IQCK: variants seen among roughly 807,000 people sequenced by gnomAD.
IQCK encodes IQ domain-containing protein K.
IQCK carries 29 observed loss-of-function variants against 28.1 expected under a neutral mutation model. That is an observed-to-expected ratio of 1.03 (90% CI 0.77 to 1.41). The LOEUF is 1.41. Ranked by LOEUF, IQCK falls within the 40% of genes most tolerant of loss-of-function variation. The pLI, the probability that IQCK is intolerant of heterozygous loss-of-function variation, is 0.00. For missense variants in IQCK, 359 were observed against 314.7 expected (o/e 1.14, Z -1.07); for synonymous variants, 113 against 115.1 (o/e 0.98, Z 0.12).
chr16:19,745,006 A>G (rs902044397), intron 4 of IQCK, among the ~76,000 whole-genome samples: 2 of 152,260 alleles, frequency 1.3e-5, no homozygotes, highest in African/African-American at 4.8e-5. Context: ...CAATAAGTGA[A>G]GAATCACATG....
In IQCK at chr16:19,736,403, C is replaced by T. The variant is rs563923845; in HGVS notation, c.474+953C>T. Among the ~76,000 whole-genome samples, 95 of 152,004 alleles carry T rather than the reference C, an allele frequency of 6.2e-4. 1 individual carries two copies. The highest frequency in any genetic ancestry group is 2.1e-3 in the African/African-American group (87 of 41,450). On this transcript the variant is annotated intron_variant, in intron 4 of 7. Coordinates refer to ENST00000564186, the Ensembl canonical transcript of IQCK. ...TCAGCTTCCTGAGCAGCTGGGACTA[C>T]GGGTATGCACCACCACGCCTGACTG...
chr16:19,723,901 A>G (rs1977573164), intron 1 of IQCK, among the ~76,000 whole-genome samples: 1 of 151,588 alleles, frequency 6.6e-6, no homozygotes, highest in Non-Finnish European at 1.5e-5. Flanking sequence ...AGGAGGTTGC[A>G]CTGAGCCGAG....
At chr16:19,828,800 G>A (rs1233068289), downstream of IQCK, among the ~76,000 whole-genome samples, 1 of 147,112 alleles carries the variant, frequency 6.8e-6, no homozygotes, top group Non-Finnish European at 1.5e-5. Context: ...GCAGTGAGCC[G>A]AGATCGTGCT....
intron 9 of IQCK, among the ~76,000 whole-genome samples, chr16:19,844,796 G>T (rs1366451527): frequency 1.3e-5 from 2 of 151,982 alleles, no homozygotes; most frequent in African/African-American, 2.4e-5. Context: ...AAGGGGATGG[G>T]AAGTTTTTTG....
intron 6 of IQCK, among the ~76,000 whole-genome samples, chr16:19,779,171 C>A (rs16969142): frequency 0.031 from 4,683 of 152,208 alleles, 224 homozygotes; most frequent in African/African-American, 0.11. Context: ...TTAAAAAGAT[C>A]AGTCCGGCAG....
chr16:19,765,295 T>C (rs955456935), intron 6 of IQCK, among the ~76,000 whole-genome samples: 1 of 150,832 alleles, frequency 6.6e-6, no homozygotes, highest in Non-Finnish European at 1.5e-5. Flanking sequence ...CCCAATACTT[T>C]GGGAGGCCGA....
chr16:19,843,635 C>T (rs2056385098), intron 9 of IQCK, among the ~76,000 whole-genome samples: 1 of 152,216 alleles, frequency 6.6e-6, no homozygotes, highest in South Asian at 2.1e-4. Flanking sequence ...GACATTTCTT[C>T]TCTCATAGTT....
chr16:19,726,393 T>C (rs932982545), intron 1 of IQCK, among the ~76,000 whole-genome samples: 1 of 152,208 alleles, frequency 6.6e-6, no homozygotes, highest in African/African-American at 2.4e-5. Context: ...CTGTAAACTT[T>C]TTGGAGAAAA....
At chr16:19,750,464 G>C (rs1387492007) in intron 4 of IQCK, among the ~76,000 whole-genome samples, 1 of 146,612 alleles carries the variant, frequency 6.8e-6, no homozygotes, top group Non-Finnish European at 1.5e-5. Flanking sequence ...TGTTTTGTTT[G>C]TTTTTGTTTT....
intron 6 of IQCK, among the ~76,000 whole-genome samples, chr16:19,770,033 G>C (rs187661568): frequency 2.6e-5 from 4 of 152,280 alleles, no homozygotes; most frequent in Non-Finnish European, 5.9e-5. Context: ...GATGATTCCT[G>C]TCTGGGGCAC....
At chr16:19,856,539 A>C (rs1597618755) in exon 10 of IQCK, 1 of 1,613,576 alleles carries the variant, frequency 6.2e-7, no homozygotes. Flanking sequence ...TGAAAATTCC[A>C]TCATCTTAAC....
At chr16:19,745,172 T>C (rs145908493) in intron 4 of IQCK, among the ~76,000 whole-genome samples, 2 of 152,352 alleles carry the variant, frequency 1.3e-5, no homozygotes, top group African/African-American at 4.8e-5. Context: ...CAAGTCCTCA[T>C]ATTTGACCCT....
chr16:19,724,943 C>T (rs1047847663), intron 1 of IQCK, among the ~76,000 whole-genome samples: 2 of 152,114 alleles, frequency 1.3e-5, no homozygotes, highest in Non-Finnish European at 2.9e-5. Context: ...TTCTCACATC[C>T]CAGAAGTTGA....
At chr16:19,821,163 C>A (rs895305459) in intron 7 of IQCK, among the ~76,000 whole-genome samples, 1 of 150,306 alleles carries the variant, frequency 6.7e-6, no homozygotes, top group Non-Finnish European at 1.5e-5. Flanking sequence ...GGCAAAAAAG[C>A]GAGACCCTAT....
chr16:19,839,413 G>T lies in IQCK; in HGVS notation c.802+12276G>T, dbSNP rs571601781. ...TGACCACAAGTGATCCACCCTCCTCGGCTTCCCAAAGTGCTGGGATTACAG... is the reference window on the plus strand; with the variant it reads ...TGACCACAAGTGATCCACCCTCCTCTGCTTCCCAAAGTGCTGGGATTACAG... On this transcript the variant is annotated intron_variant, in intron 9 of 9. Coordinates refer to the IQCK transcript ENST00000320394. Among the ~76,000 whole-genome samples the T allele has an allele frequency of 2.6e-5, 4 of 151,960 alleles. No individual in the cohort carries two copies. In the East Asian group the frequency reaches 7.8e-4, roughly 30 times the overall value.
intron 6 of IQCK, among the ~76,000 whole-genome samples, chr16:19,787,093 C>CT (rs2055572997): frequency 2.3e-5 from 1 of 43,570 alleles, no homozygotes; most frequent in Non-Finnish European, 3.6e-5. Context: ...AACAAATAGA[C>CT]TATATCAAGC....
In IQCK at chr16:19,803,002, A is replaced by G. The variant is rs527288468; in HGVS notation, c.690+14080A>G. 5.3e-5 allele frequency among the ~76,000 whole-genome samples: 8 copies of G among 152,288 alleles called. No homozygotes were observed. The South Asian group carries it at 8.3e-4, about 16-fold the overall frequency. On this transcript the variant is annotated intron_variant, in intron 7 of 7. Transcript: ENST00000564186. ...TGGTCTCGAGCTTCACTGTTCATCA[A>G]AGCCATCCACTGACAGATTTTGTTT... is the stretch of plus-strand genomic sequence containing the variant.
intron 7 of IQCK, among the ~76,000 whole-genome samples, chr16:19,809,015 G>A (rs1032270299): frequency 6.6e-6 from 1 of 152,068 alleles, no homozygotes; most frequent in Non-Finnish European, 1.5e-5. Context: ...GCGCCACCAC[G>A]GCCAGCTAAT....
intron 9 of IQCK, among the ~76,000 whole-genome samples, chr16:19,847,208 T>G (rs1260243803): frequency 6.6e-6 from 1 of 152,210 alleles, no homozygotes; most frequent in Non-Finnish European, 1.5e-5. Context: ...GCAAATTTCC[T>G]GATTAATTCT....
Sources: gnomAD v4.1 joint callset for allele counts (sites outside exome capture counted in the v4.1 genomes callset) on GRCh38, gnomAD v4.1.1 for gene constraint, MANE v1.5 for transcripts, NCBI Gene and HGNC (gene_info 2026-07-23, HGNC 2026-07-21) for gene names.